Variants in PCDH9 observed in about 807,000 individuals in gnomAD.
PCDH9 encodes protocadherin 9, also known as protocadherin-9.
A neutral mutation model predicts 70.6 loss-of-function variants in PCDH9; 24 were observed. That is an observed-to-expected ratio of 0.34 (90% CI 0.25 to 0.48). PCDH9 has a LOEUF of 0.48. Among genes scored for constraint, PCDH9 ranks in the 20% least tolerant of loss-of-function variants. The probability of loss-of-function intolerance (pLI) is 0.99; values close to 1 mark genes in which losing one functional copy is unlikely to be tolerated. For missense variants in PCDH9, 1,281 were observed against 1,503.6 expected, an observed-to-expected ratio of 0.85 and a Z score of 2.45; for synonymous variants, 562 against 558.5, an observed-to-expected ratio of 1.01 and a Z score of -0.09.
intron 2 of PCDH9, among the ~76,000 whole-genome samples, chr13:66,957,329 G>A (rs2083279848): frequency 1.3e-5 from 2 of 152,010 alleles, no homozygotes; most frequent in Admixed American, 6.6e-5. Flanking sequence ...TTACAAAATA[G>A]CCTTCTAACA....
At chr13:67,158,756 TA>T (rs1460679881) in intron 2 of PCDH9, among the ~76,000 whole-genome samples, 1 of 152,216 alleles carries the variant, frequency 6.6e-6, no homozygotes, top group Non-Finnish European at 1.5e-5. Flanking sequence ...GGATATCAAA[TA>T]AATTGGTTTT....
chr13:66,737,140 T>C (rs1051028553), intron 3 of PCDH9, among the ~76,000 whole-genome samples: 2 of 152,232 alleles, frequency 1.3e-5, no homozygotes, highest in Admixed American at 6.5e-5. Context: ...ATCTTATATT[T>C]ATTCATCAAA....
intron 3 of PCDH9, among the ~76,000 whole-genome samples, chr13:66,865,336 C>A (rs1208931018): frequency 6.6e-6 from 1 of 152,076 alleles, no homozygotes; most frequent in Admixed American, 6.6e-5. Flanking sequence ...CCATTCAATT[C>A]CAGGATGTTG....
intron 3 of PCDH9, among the ~76,000 whole-genome samples, chr13:66,782,199 G>GA (rs1157771658): frequency 1.3e-5 from 2 of 152,010 alleles, no homozygotes; most frequent in African/African-American, 4.8e-5. Context: ...TTGATGAAAT[G>GA]AAAAAATCCT....
At chr13:66,404,599 A>G (rs1282506903) in intron 4 of PCDH9, among the ~76,000 whole-genome samples, 1 of 152,134 alleles carries the variant, frequency 6.6e-6, no homozygotes. Context: ...GAGGGAAGGA[A>G]TGAAAAGACA....
intron 3 of PCDH9, among the ~76,000 whole-genome samples, chr13:66,687,319 T>C (rs917223960): frequency 6.6e-6 from 1 of 152,184 alleles, no homozygotes. Flanking sequence ...TTTAAACTTC[T>C]GCTTCATCAA....
At chr13:66,687,284 A>G (rs1437778652) in intron 3 of PCDH9, among the ~76,000 whole-genome samples, 1 of 152,124 alleles carries the variant, frequency 6.6e-6, no homozygotes, top group African/African-American at 2.4e-5. Flanking sequence ...CTTCTCCAAC[A>G]TTTGAAAAAG....
intron 4 of PCDH9, among the ~76,000 whole-genome samples, chr13:66,495,821 A>G (rs1163305086): frequency 1.3e-5 from 2 of 152,150 alleles, no homozygotes; most frequent in African/African-American, 2.4e-5. Context: ...AATCATGGCC[A>G]CAGACACTAC....
At chr13:66,792,695 C>CA (rs958526397) in intron 3 of PCDH9, among the ~76,000 whole-genome samples, 13 of 151,598 alleles carry the variant, frequency 8.6e-5, no homozygotes, top group Admixed American at 3.3e-4. Flanking sequence ...AAAACCAAGC[C>CA]AAGAAAACCC....
At chr13:66,722,667 A>G (rs2078956342) in intron 3 of PCDH9, among the ~76,000 whole-genome samples, 1 of 152,110 alleles carries the variant, frequency 6.6e-6, no homozygotes, top group Non-Finnish European at 1.5e-5. Flanking sequence ...GCAGAAAAGA[A>G]AAAAATTAAA....
At chr13:66,474,066 T>C (rs1466985590) in intron 4 of PCDH9, among the ~76,000 whole-genome samples, 4 of 152,178 alleles carry the variant, frequency 2.6e-5, no homozygotes, top group African/African-American at 9.6e-5. Context: ...TTAAGGAAAT[T>C]GACTCTGACA....
chr13:67,079,816 A>T (rs750337294), intron 2 of PCDH9, among the ~76,000 whole-genome samples: 4 of 152,160 alleles, frequency 2.6e-5, no homozygotes, highest in Non-Finnish European at 4.4e-5. Flanking sequence ...ATGAGGCTAC[A>T]TTTACATACT....
chr13:66,954,235 GTATT>G (rs1429033596), intron 2 of PCDH9, among the ~76,000 whole-genome samples: 2 of 152,102 alleles, frequency 1.3e-5, no homozygotes, highest in African/African-American at 4.8e-5. Flanking sequence ...CTTTATATAT[GTATT>G]TGTGTGTACC....
At chr13:66,445,083 T>C (rs1183950145) in intron 4 of PCDH9, among the ~76,000 whole-genome samples, 1 of 147,274 alleles carries the variant, frequency 6.8e-6, no homozygotes, top group African/African-American at 2.5e-5. Context: ...ATATCTATCA[T>C]ATATAATATT....
chr13:66,424,296 T>G (rs571270992), intron 4 of PCDH9, among the ~76,000 whole-genome samples: 24 of 152,270 alleles, frequency 1.6e-4, no homozygotes, highest in Non-Finnish European at 3.1e-4. Flanking sequence ...AAGCTACCAT[T>G]GACTTTCTTC....
chr13:67,008,235 T>C (rs1285598940), intron 2 of PCDH9, among the ~76,000 whole-genome samples: 1 of 152,096 alleles, frequency 6.6e-6, no homozygotes, highest in Non-Finnish European at 1.5e-5. Flanking sequence ...TATTCAAAGT[T>C]ACTGGAGAGT....
chr13:66,940,683 TCAAA>T (rs1411673576), intron 2 of PCDH9, among the ~76,000 whole-genome samples: 1 of 151,854 alleles, frequency 6.6e-6, no homozygotes, highest in African/African-American at 2.4e-5. Context: ...TACTTTTTTG[TCAAA>T]CAGATTGGTC....
chr13:66,834,093 C>G (rs2080974400), intron 3 of PCDH9, among the ~76,000 whole-genome samples: 1 of 151,718 alleles, frequency 6.6e-6, no homozygotes, highest in Non-Finnish European at 1.5e-5. Flanking sequence ...CATTGATGTC[C>G]CTTCAACATT....
At chr13:67,018,524 G>A (rs1218877252) in intron 2 of PCDH9, among the ~76,000 whole-genome samples, 1 of 150,622 alleles carries the variant, frequency 6.6e-6, no homozygotes, top group East Asian at 2.0e-4. Flanking sequence ...GAGGCTGAGA[G>A]AGGAGAATTG....
Sources: gnomAD v4.1 joint callset for allele counts (sites outside exome capture counted in the v4.1 genomes callset) on GRCh38, gnomAD v4.1.1 for gene constraint, MANE v1.5 for transcripts, NCBI Gene and HGNC (gene_info 2026-07-23, HGNC 2026-07-21) for gene names.